LDAH: variants seen among roughly 807,000 people sequenced by gnomAD.
LDAH encodes the protein lipid droplet-associated hydrolase.
A neutral mutation model predicts 29.6 loss-of-function variants in LDAH; 26 were observed. The ratio of observed to expected loss-of-function variants is 0.88; its 90% CI spans 0.64 to 1.22. LDAH has a LOEUF of 1.22. Among genes scored for constraint, LDAH ranks in the 50% most tolerant of loss-of-function variants. The pLI is 0.00. For synonymous variants in LDAH, 117 were observed against 133.0 expected (o/e 0.88, Z 0.83); for missense variants, 344 against 387.3 (o/e 0.89, Z 0.94).
chr2:20,789,954 C>A (rs949682073), intron 3 of LDAH, among the ~76,000 whole-genome samples: 1 of 152,092 alleles, frequency 6.6e-6, no homozygotes, highest in African/African-American at 2.4e-5. Flanking sequence ...TGCTTTTTCC[C>A]CACCATTCCT....
At position 20,740,225 on chromosome 2, in the gene LDAH, T is replaced by G; in HGVS notation, c.469-20A>C. On this transcript the variant is annotated intron_variant, in intron 4 of 6. Transcript: ENST00000237822. ...AATTACCTGCAATAAAGAAGCATAC[T>G]TTGATGAGAGGTTTTCTTAAAGGAT... 6.5e-7 allele frequency: 1 copy of G among 1,537,036 alleles called. No homozygotes were observed. The highest frequency in any genetic ancestry group is 9.0e-7 in the Non-Finnish European group (1 of 1,110,320).
rs375933392 is a variant in LDAH at position 20,718,396 on chromosome 2, A to C, written c.704-16744T>G. 2.0e-5 allele frequency among the ~76,000 whole-genome samples: 3 copies of C among 152,144 alleles called. No individual in the cohort carries two copies. In the South Asian group the frequency reaches 6.2e-4, roughly 31 times the overall value. ...TAGCACATAAAATAGACTTTAAGTC[A>C]AAAACTATAAAAAGAGACAAAAAAG... On this transcript the variant is annotated intron_variant, in intron 5 of 6. Transcript: ENST00000237822.
chr2:20,785,051 C>T (rs1195161716), intron 3 of LDAH, among the ~76,000 whole-genome samples: 1 of 152,176 alleles, frequency 6.6e-6, no homozygotes, highest in Non-Finnish European at 1.5e-5. Flanking sequence ...AATTACCCAA[C>T]ATACTGTTAC....
intron 5 of LDAH, among the ~76,000 whole-genome samples, chr2:20,738,582 T>C (rs889080798): frequency 6.6e-6 from 1 of 152,094 alleles, no homozygotes; most frequent in Non-Finnish European, 1.5e-5. Flanking sequence ...CTTAATAATA[T>C]GGTGGAGAGA....
chr2:20,758,502 G>C (rs1424567240), intron 4 of LDAH, among the ~76,000 whole-genome samples: 1 of 152,180 alleles, frequency 6.6e-6, no homozygotes, highest in African/African-American at 2.4e-5. Flanking sequence ...GAGGCAGGGA[G>C]ACAAACAAAA....
intron 4 of LDAH, among the ~76,000 whole-genome samples, chr2:20,748,026 A>T (rs1667697781): frequency 6.6e-6 from 1 of 152,176 alleles, no homozygotes; most frequent in African/African-American, 2.4e-5. Context: ...TTATGGTTGA[A>T]CCAATTACTA....
intron 1 of LDAH, among the ~76,000 whole-genome samples, chr2:20,801,958 A>ATG (rs201368706): frequency 0.022 from 3,034 of 138,588 alleles, 91 homozygotes; most frequent in African/African-American, 0.071. Context: ...GTGTGTGTGT[A>ATG]TGTGTGTGTG....
chr2:20,814,642 G>C (rs993621044), intron 1 of LDAH, among the ~76,000 whole-genome samples: 5 of 151,718 alleles, frequency 3.3e-5, no homozygotes, highest in African/African-American at 1.2e-4. Flanking sequence ...TTGTATTTTT[G>C]GTAGAGAAGG....
intron 6 of LDAH, among the ~76,000 whole-genome samples, chr2:20,699,242 T>G (rs1424421594): frequency 6.6e-6 from 1 of 152,154 alleles, no homozygotes; most frequent in Non-Finnish European, 1.5e-5. Flanking sequence ...TGGGTGGAAA[T>G]GGGAAAGAGT....
intron 5 of LDAH, among the ~76,000 whole-genome samples, chr2:20,717,368 T>C (rs1037092186): frequency 6.6e-6 from 1 of 152,158 alleles, no homozygotes; most frequent in Non-Finnish European, 1.5e-5. Context: ...CTGGAATTTA[T>C]CTTAAAACTT....
chr2:20,733,211 TCA>T (rs1200226681), intron 5 of LDAH, among the ~76,000 whole-genome samples: 1 of 151,888 alleles, frequency 6.6e-6, no homozygotes, highest in African/African-American at 2.4e-5. Context: ...TCATTTTGAT[TCA>T]GTTTTATTAT....
chr2:20,694,334 C>T (rs527705324), intron 6 of LDAH, among the ~76,000 whole-genome samples: 1 of 152,300 alleles, frequency 6.6e-6, no homozygotes, highest in East Asian at 1.9e-4. Context: ...CATGTAAGCC[C>T]CAATCTTGCA....
intron 4 of LDAH, among the ~76,000 whole-genome samples, chr2:20,745,459 G>T (rs1667501401): frequency 6.6e-6 from 1 of 152,088 alleles, no homozygotes; most frequent in Admixed American, 6.6e-5. Context: ...TTTTTTTGAA[G>T]AAATGTCTAT....
intron 1 of LDAH, among the ~76,000 whole-genome samples, chr2:20,818,340 G>C (rs1305237379): frequency 6.6e-6 from 1 of 152,070 alleles, no homozygotes; most frequent in Non-Finnish European, 1.5e-5. Context: ...ATAATAAGTG[G>C]TATGAAAGGG....
At chr2:20,700,267 G>C (rs1663828723) in intron 6 of LDAH, among the ~76,000 whole-genome samples, 1 of 152,106 alleles carries the variant, frequency 6.6e-6, no homozygotes, top group Non-Finnish European at 1.5e-5. Context: ...CTTCCTTCTG[G>C]TTTCCAAATT....
At chr2:20,797,143 C>T (rs565994706) in intron 2 of LDAH, among the ~76,000 whole-genome samples, 3 of 152,286 alleles carry the variant, frequency 2.0e-5, no homozygotes, top group African/African-American at 7.2e-5. Flanking sequence ...AGATGCTGAA[C>T]GGACTGACTT....
intron 4 of LDAH, among the ~76,000 whole-genome samples, chr2:20,773,391 G>A (rs1314126113): frequency 2.6e-5 from 4 of 151,926 alleles, no homozygotes; most frequent in Admixed American, 2.6e-4. Context: ...AACTGTGCAA[G>A]TAGAACCACT....
chr2:20,710,307 TTA>T (rs1409105989), intron 5 of LDAH, among the ~76,000 whole-genome samples: 3 of 152,104 alleles, frequency 2.0e-5, no homozygotes, highest in Admixed American at 1.3e-4. Flanking sequence ...GTGAAAAACT[TTA>T]TGTCATGAAT....
rs1662501500 is a variant in LDAH, at chr2:20,685,585, AG to A, written c.*1317del. Reference sequence around the variant, plus strand: ...GCAAATCAGAGCCAAATCTTTCATCAGGGGGCTTTAGGATTTGAGCGGAGGG... The same window carrying A: ...GCAAATCAGAGCCAAATCTTTCATCAGGGGCTTTAGGATTTGAGCGGAGGG... On this transcript the variant is annotated 3_prime_UTR_variant, in exon 7 of 7. Transcript: ENST00000237822. 2 of 1,550,486 alleles carry A rather than the reference AG, an allele frequency of 1.3e-6. No homozygotes were observed. Among genetic ancestry groups the A allele is most frequent in the Non-Finnish European group, 8.7e-7 (1 of 1,146,974 alleles).
Sources: gnomAD v4.1 joint callset for allele counts (sites outside exome capture counted in the v4.1 genomes callset) on GRCh38, gnomAD v4.1.1 for gene constraint, MANE v1.5 for transcripts, NCBI Gene and HGNC (gene_info 2026-07-23, HGNC 2026-07-21) for gene names.